The following RAD1 variants were observed in gnomAD, a reference collection of about 807,000 sequenced individuals.
RAD1 encodes RAD1 checkpoint DNA exonuclease, also known as cell cycle checkpoint protein RAD1.
Under a neutral mutation model 30.0 loss-of-function variants are expected in RAD1, and 21 were observed. The ratio of observed to expected loss-of-function variants is 0.70; its 90% CI spans 0.50 to 1.01. The LOEUF (loss-of-function observed/expected upper bound fraction) is 1.01. Ranked by LOEUF, RAD1 falls within the 50% of genes least tolerant of loss-of-function variation. RAD1 has a pLI of 0.00. For missense variants in RAD1, 329 were observed against 329.0 expected, an observed-to-expected ratio of 1.00 and a Z score of 0.00; for synonymous variants, 109 against 113.6, an observed-to-expected ratio of 0.96 and a Z score of 0.26.
Position 34,911,765 on chromosome 5 carries a change from A to G in RAD1, c.355T>C (p.Leu119=). ...CCTCCTTCTTCCAGGAACAGCATCA[A>G]AGGGTAACCATAACCTTGGTAACAC... ...RMCYQGYGYP[L]MLFLEEGGVV... is the part of the protein sequence containing the mutation. Residue 119 remains leucine, a synonymous_variant, in exon 4 of 6, where the codon TTG becomes CTG. Transcript: ENST00000382038. The G allele has an allele frequency of 4.3e-6, 7 of 1,614,202 alleles. No individual in the cohort carries two copies. The highest frequency in any genetic ancestry group is 5.9e-6 in the Non-Finnish European group (7 of 1,180,034).
At position 34,914,794 on chromosome 5, in the gene RAD1, A is replaced by G. The variant is rs1395160008; in HGVS notation, c.99T>C (p.Ala33=). 1.2e-6 allele frequency: 2 copies of G among 1,614,132 alleles called. No homozygotes were observed. Among genetic ancestry groups the G allele is most frequent in the Non-Finnish European group, 1.7e-6 (2 of 1,180,050 alleles). The change falls in exon 2 of 6, where the codon GCT becomes GCC. Residue 33 remains alanine, a synonymous_variant. Transcript: ENST00000382038. The stretch of plus-strand genomic sequence containing the variant: ...ACGTGGCATGTTCTCGGAAATGAAT[A>G]GCTTTCAAGATAGTGGAGAGATTCC... The part of the protein sequence containing the change: ...NVRNLSTILK[A]IHFREHATCF...
intron 4 of RAD1, 130 bp downstream of exon 4, chr5:34,911,424 A>C: frequency 1.8e-6 from 2 of 1,086,502 alleles, no homozygotes; most frequent in Non-Finnish European, 2.7e-6. Context: ...ATGAGGTAAG[A>C]GTACAAGCTG....
Position 34,908,299 on chromosome 5 carries a change from G to T in RAD1, c.*466C>A, listed in dbSNP as rs905481251. 2 of 150,714 alleles carry T rather than the reference G, an allele frequency of 1.3e-5. No homozygotes were observed. Among genetic ancestry groups the T allele is most frequent in the African/African-American group, 4.9e-5 (2 of 40,744 alleles). 9.3% of individuals were successfully genotyped at this position (150,714 alleles called of 1,614,324 possible). A position where few individuals can be genotyped will look rare whatever the true frequency, so the allele number is the denominator to read the frequency against. On this transcript the variant is annotated 3_prime_UTR_variant, in exon 6 of 6. Transcript: ENST00000382038. Reference sequence around the variant, plus strand: ...AGCAATTCTCCTGCCTCAGCCTCCCGAGTAGCTGGCATTACAGGCATGTGC... The same window carrying T: ...AGCAATTCTCCTGCCTCAGCCTCCCTAGTAGCTGGCATTACAGGCATGTGC...
chr5:34,911,685 A>C lies in RAD1; in HGVS notation c.435T>G (p.Phe145Leu). Residue 145 changes from phenylalanine (F) to leucine (L), a missense_variant, in exon 4 of 6, where the codon TTT (phenylalanine) becomes TTG (leucine). By Grantham distance (22) the Phe-to-Leu change is conservative (BLOSUM62 0). Transcript: ENST00000382038. ...NTQEPEETLD[F>L]DFCSTNVINK... ...TAATAACATTGGTGCTGCAGAAATC[A>C]AAGTCCAGGGTCTCCTCAGGTTCCT... 6.2e-7 allele frequency: 1 copy of C among 1,614,144 alleles called. No homozygotes were observed. The highest frequency in any genetic ancestry group is 8.5e-7 in the Non-Finnish European group (1 of 1,180,032).
chr5:34,913,448 C>T, intron 3 of RAD1, 22 bp downstream of exon 3: 2 of 1,419,202 alleles, frequency 1.4e-6, no homozygotes, highest in Non-Finnish European at 1.9e-6. Flanking sequence ...ACTTTTATGT[C>T]TTTATACTGA....
chr5:34,911,850 T>C (rs1763857797), intron 3 of RAD1, 38 bp from the exon 4 acceptor site: 1 of 1,589,376 alleles, frequency 6.3e-7, no homozygotes, highest in South Asian at 1.1e-5. Flanking sequence ...CTTAGCTTTA[T>C]AGTTCTGGGT....
At chr5:34,913,385 C>A (rs1234187674) in intron 3 of RAD1, 85 bp downstream of exon 3, 5 of 712,246 alleles carry the variant, frequency 7.0e-6, no homozygotes, top group East Asian at 5.6e-5. Context: ...CTTTCTGAAC[C>A]AATGTTTATG....
At position 34,913,583 on chromosome 5, in the gene RAD1, G is replaced by A. The variant is rs374675301; in HGVS notation, c.199-5C>T. The A allele has an allele frequency of 1.6e-5, 24 of 1,532,334 alleles. No individual in the cohort carries two copies. In the East Asian group the frequency reaches 4.5e-4, roughly 29 times the overall value. 94.9% of individuals were successfully genotyped at this position (1,532,334 alleles called of 1,614,324 possible). On this transcript the variant is annotated splice_region_variant and splice_polypyrimidine_tract_variant and intron_variant, in intron 2 of 5. Transcript: ENST00000382038. ...AAACTCCTGAAATATTCCAGCCTAT[G>A]AAAAGAGTAAAAATGAAAATTGTTA... is the stretch of plus-strand genomic sequence containing the variant.
At chr5:34,913,049 A>G (rs1233322569) in intron 3 of RAD1, among the ~76,000 whole-genome samples, 5 of 152,212 alleles carry the variant, frequency 3.3e-5, no homozygotes, top group Non-Finnish European at 7.3e-5. Context: ...CTTATAAAAT[A>G]TGGCTTAAAA....
chr5:34,910,731 C>T (rs1211237689), intron 4 of RAD1, among the ~76,000 whole-genome samples: 1 of 152,048 alleles, frequency 6.6e-6, no homozygotes, highest in African/African-American at 2.4e-5. Context: ...CTTTTACAGC[C>T]GGGCCTGTAA....
intron 5 of RAD1, 151 bp from the exon 6 acceptor site, chr5:34,909,099 T>G: frequency 1.1e-6 from 1 of 948,326 alleles, no homozygotes; most frequent in Non-Finnish European, 1.6e-6. Context: ...CATTCACTGT[T>G]AGAACCCTAC....
At chr5:34,913,164 T>C (rs942386222) in intron 3 of RAD1, among the ~76,000 whole-genome samples, 2 of 152,130 alleles carry the variant, frequency 1.3e-5, no homozygotes, top group Non-Finnish European at 2.9e-5. Context: ...AAAGAAGCAA[T>C]TAAAACATTT....
rs1367234690 is a variant in RAD1, at chr5:34,908,669, T to C, written c.*96A>G. ...TCTTCCCCATTGTGCTTCTTCTCTA[T>C]AGAAAATCCAATATGAAATGACAAA... On this transcript the variant is annotated 3_prime_UTR_variant, in exon 6 of 6. Transcript: ENST00000382038. 2.6e-6 allele frequency: 3 copies of C among 1,152,528 alleles called. No individual in the cohort carries two copies. Among genetic ancestry groups the C allele is most frequent in the Admixed American group, 4.9e-5 (2 of 40,694 alleles). 71.4% of individuals were successfully genotyped at this position (1,152,528 alleles called of 1,614,324 possible).
rs1479685072 is a variant in RAD1, at chr5:34,908,891, T to TA, written c.722dup (p.Ser242IlefsTer6). The TA allele has an allele frequency of 6.2e-7, 1 of 1,612,730 alleles. No homozygotes were observed. The highest frequency in any genetic ancestry group is 8.5e-7 in the Non-Finnish European group (1 of 1,179,192). ...AGCCTCTGTTATCTGTCCGAATAGA[T>TA]ACCTTACAAGATAGGACTAATGCCT... On this transcript the variant is annotated frameshift_variant, in exon 6 of 6. Coordinates refer to ENST00000382038, the MANE Select transcript of RAD1 (RefSeq NM_002853.4). LOFTEE classifies it high-confidence loss of function.
chr5:34,914,545 A>C (rs1253415944), intron 2 of RAD1, 150 bp downstream of exon 2: 2 of 745,386 alleles, frequency 2.7e-6, no homozygotes, highest in African/African-American at 3.5e-5. Context: ...TCTCTAACTT[A>C]AGACTATTAT....
At chr5:34,909,213 ACCT>A in intron 5 of RAD1, 42 bp downstream of exon 5, 6 of 1,379,924 alleles carry the variant, frequency 4.3e-6, no homozygotes, top group Non-Finnish European at 5.1e-6. Context: ...CTGGTATTTA[ACCT>A]CCTCTTTATC....
Position 34,907,210 on chromosome 5 carries a change from G to GGCATTCCAATATATCCTCCAATTT in RAD1, c.*1531_*1554dup, listed in dbSNP as rs1456795866. 1 of 152,092 alleles carries GGCATTCCAATATATCCTCCAATTT rather than the reference G, an allele frequency of 6.6e-6. No individual in the cohort carries two copies. 9.4% of individuals were successfully genotyped at this position (152,092 alleles called of 1,614,324 possible). A position where few individuals can be genotyped will look rare whatever the true frequency, so the allele number is the denominator to read the frequency against. On this transcript the variant is annotated 3_prime_UTR_variant, in exon 6 of 6. Transcript: ENST00000382038. ...TGCTATGTGACCTATATTAAGGTAG[G>GGCATTCCAATATATCCTCCAATTT]GCATTCCAATATATCCTCCAATTTT...
chr5:34,910,797 T>A (rs1448416431), intron 4 of RAD1, among the ~76,000 whole-genome samples: 1 of 152,250 alleles, frequency 6.6e-6, no homozygotes, highest in Admixed American at 6.5e-5. Context: ...CATATGTATT[T>A]AGGGGCTTTA....
intron 4 of RAD1, 122 bp from the exon 5 acceptor site, chr5:34,909,478 T>C (rs1349342412): frequency 1.6e-6 from 1 of 607,956 alleles, no homozygotes; most frequent in Non-Finnish European, 2.9e-6. Context: ...TGTACACAAA[T>C]GCTTATAACA....
Sources: gnomAD v4.1 joint callset for allele counts (sites outside exome capture counted in the v4.1 genomes callset) on GRCh38, gnomAD v4.1.1 for gene constraint, MANE v1.5 for transcripts, NCBI Gene and HGNC (gene_info 2026-07-23, HGNC 2026-07-21) for gene names.